Variants in CALN1 observed in about 807,000 individuals in gnomAD.
CALN1 encodes calcium-binding protein 8.
CALN1 carries 17 observed loss-of-function variants against 30.6 expected under a neutral mutation model. The observed-to-expected ratio is 0.56, with a 90% CI of 0.38 to 0.83. CALN1 has a LOEUF of 0.83. CALN1 is among the 40% of genes least tolerant of loss of function. CALN1 has a pLI of 0.00. For missense variants in CALN1, 291 were observed against 354.9 expected, an observed-to-expected ratio of 0.82 and a Z score of 1.45; for synonymous variants, 156 against 131.4, an observed-to-expected ratio of 1.19 and a Z score of -1.28.
chr7:72,177,234 C>A (rs1789421445), intron 3 of CALN1, among the ~76,000 whole-genome samples: 1 of 152,236 alleles, frequency 6.6e-6, no homozygotes, highest in East Asian at 1.9e-4. Flanking sequence ...GTAGCCCCTT[C>A]TTATTGTTAT....
intron 3 of CALN1, among the ~76,000 whole-genome samples, chr7:72,215,939 C>T (rs550353303): frequency 4.6e-5 from 7 of 152,218 alleles, no homozygotes; most frequent in South Asian, 4.2e-4. Flanking sequence ...AAGCATGGGT[C>T]GGACCAAGGC....
At chr7:72,205,585 T>C (rs890750653) in intron 3 of CALN1, among the ~76,000 whole-genome samples, 1 of 132,242 alleles carries the variant, frequency 7.6e-6, no homozygotes, top group African/African-American at 3.0e-5. Flanking sequence ...TATATATATA[T>C]ATTCAGGAGA....
chr7:72,186,922 T>C (rs1313695765), intron 3 of CALN1, among the ~76,000 whole-genome samples: 1 of 150,078 alleles, frequency 6.7e-6, no homozygotes, highest in African/African-American at 2.4e-5. Context: ...TAGAATGATT[T>C]CTTTTCCTTT....
rs529860953 is a variant in CALN1, at chr7:72,292,722, G to A, written c.120-13912C>T. 4.0e-5 allele frequency among the ~76,000 whole-genome samples: 6 copies of A among 149,368 alleles called. No homozygotes were observed. In the South Asian group the frequency reaches 1.1e-3, roughly 26 times the overall value. The stretch of plus-strand genomic sequence containing the variant: ...TGTAATCCCAGCTACTCGGGAGGCT[G>A]AGGCAGGAGAATCACTTGAACCTGG... On this transcript the variant is annotated intron_variant, in intron 2 of 6. Coordinates refer to ENST00000395275, the MANE Select transcript of CALN1 (RefSeq NM_031468.4).
chr7:72,281,414 ACTT>A (rs904568885), intron 2 of CALN1, among the ~76,000 whole-genome samples: 3 of 152,110 alleles, frequency 2.0e-5, no homozygotes, highest in African/African-American at 7.2e-5. Flanking sequence ...CCTGGCTAAC[ACTT>A]CTTATGTGAT....
At chr7:72,337,439 C>G (rs944425659) in intron 2 of CALN1, 5 of 221,082 alleles carry the variant, frequency 2.3e-5, no homozygotes, top group African/African-American at 7.0e-5. Context: ...CACACACACA[C>G]ACGCATGCAC....
intron 1 of CALN1, among the ~76,000 whole-genome samples, chr7:72,426,628 T>C (rs1807806200): frequency 6.6e-6 from 1 of 152,154 alleles, no homozygotes. Context: ...ACATCTACTA[T>C]AGCTGAAAAA....
intron 2 of CALN1, among the ~76,000 whole-genome samples, chr7:72,303,179 G>C (rs187225032): frequency 1.3e-5 from 2 of 152,264 alleles, no homozygotes; most frequent in East Asian, 3.9e-4. Flanking sequence ...TCCAAGAAAT[G>C]AGAGAAAATG....
At chr7:71,821,882 G>C (rs1788614946) in intron 5 of CALN1, among the ~76,000 whole-genome samples, 1 of 151,050 alleles carries the variant, frequency 6.6e-6, no homozygotes, top group East Asian at 1.9e-4. Flanking sequence ...TGACCTCCTG[G>C]GCTCAAGCAA....
At chr7:71,798,790 T>A (rs1787123120) in intron 6 of CALN1, among the ~76,000 whole-genome samples, 1 of 151,090 alleles carries the variant, frequency 6.6e-6, no homozygotes, top group South Asian at 2.1e-4. Flanking sequence ...ACCGACTAGC[T>A]TTTTTTTGTA....
At chr7:72,360,744 T>C (rs770770200) in intron 2 of CALN1, among the ~76,000 whole-genome samples, 7 of 151,006 alleles carry the variant, frequency 4.6e-5, no homozygotes, top group South Asian at 2.1e-4. Flanking sequence ...AAGTATAATT[T>C]TGAGACAGAG....
chr7:71,800,411 G>A (rs963334907), intron 6 of CALN1, among the ~76,000 whole-genome samples: 3 of 152,088 alleles, frequency 2.0e-5, no homozygotes, highest in Non-Finnish European at 2.9e-5. Flanking sequence ...ATATGGAAGC[G>A]CTGAGTGATT....
intron 5 of CALN1, among the ~76,000 whole-genome samples, chr7:71,973,870 T>C (rs1460739360): frequency 6.6e-6 from 1 of 152,214 alleles, no homozygotes; most frequent in Non-Finnish European, 1.5e-5. Context: ...AAGGATGCTC[T>C]AATTATCAAT....
chr7:71,954,950 G>A lies in CALN1; in HGVS notation c.501+68707C>T, dbSNP rs192115548. Among the ~76,000 whole-genome samples, 16 of 152,248 alleles carry A rather than the reference G, an allele frequency of 1.1e-4. No individual in the cohort carries two copies. The East Asian group carries it at 1.7e-3, about 17-fold the overall frequency. ...TTATTTTACCCACATCTTACAAGGC[G>A]TGGAATGTTGTTTTTTAGGATGAGA... On this transcript the variant is annotated intron_variant, in intron 5 of 6. Transcript: ENST00000395275.
In CALN1 at chr7:71,833,900, CCT is replaced by C. The variant is rs536760629; in HGVS notation, c.502-23410_502-23409del. ...CCTAGCCTGGGCAGCAAAGTGAGAT[CCT>C]GTCTCTTAAAAAACAAAAAAAAATC... On this transcript the variant is annotated intron_variant, in intron 5 of 6. Coordinates refer to ENST00000395275, the MANE Select transcript of CALN1 (RefSeq NM_031468.4). 5.8e-4 allele frequency among the ~76,000 whole-genome samples: 88 copies of C among 151,986 alleles called. 1 individual carries two copies. In the South Asian group the frequency reaches 0.017, roughly 29 times the overall value.
the CALN1 span, among the ~76,000 whole-genome samples, chr7:72,453,410 G>A: frequency 1.3e-5 from 2 of 152,242 alleles, no homozygotes; most frequent in Admixed American, 6.5e-5. Flanking sequence ...AAAAGGGATA[G>A]TAACTTCCGG....
At position 72,420,197 on chromosome 7, in the gene CALN1, G is replaced by A. The variant is rs894740508; in HGVS notation, c.-225-7922C>T. Among the ~76,000 whole-genome samples, 12 of 152,246 alleles carry A rather than the reference G, an allele frequency of 7.9e-5. 1 individual carries two copies. Among genetic ancestry groups the A allele is most frequent in the Middle Eastern group, 3.4e-3 (1 of 294 alleles). Reference sequence around the variant, plus strand: ...ACTCCCACCCTAACATTCACCCTTGGGTTGTATGAAGACATGACTAGAAAG... The same window carrying A: ...ACTCCCACCCTAACATTCACCCTTGAGTTGTATGAAGACATGACTAGAAAG... On this transcript the variant is annotated intron_variant, in intron 1 of 6. Transcript: ENST00000395276.
At chr7:72,339,184 G>T (rs1295290714) in intron 2 of CALN1, among the ~76,000 whole-genome samples, 2 of 152,070 alleles carry the variant, frequency 1.3e-5, no homozygotes, top group South Asian at 2.1e-4. Context: ...GTGCTCCATT[G>T]TGTACATGTC....
At chr7:71,868,171 C>G (rs953440491) in intron 5 of CALN1, among the ~76,000 whole-genome samples, 11 of 152,046 alleles carry the variant, frequency 7.2e-5, no homozygotes, top group African/African-American at 2.7e-4. Flanking sequence ...TCTCGCATGG[C>G]TATAAAGAAA....
Sources: gnomAD v4.1 joint callset for allele counts (sites outside exome capture counted in the v4.1 genomes callset) on GRCh38, gnomAD v4.1.1 for gene constraint, MANE v1.5 for transcripts, NCBI Gene and HGNC (gene_info 2026-07-23, HGNC 2026-07-21) for gene names.